RBFOX1: variants seen among roughly 807,000 people sequenced by gnomAD.
The protein encoded by RBFOX1 is RNA binding protein fox-1 homolog 1.
In RBFOX1, 8 loss-of-function variants were observed where a neutral mutation model predicts 57.7. The observed-to-expected ratio is 0.14, with a 90% CI of 0.08 to 0.25. The LOEUF (loss-of-function observed/expected upper bound fraction) is 0.25, where lower values mean the gene tolerates loss of function less well. RBFOX1 is among the 10% of genes least tolerant of loss of function. The probability of loss-of-function intolerance (pLI) is 1.00; values close to 1 mark genes in which losing one functional copy is unlikely to be tolerated. For synonymous variants in RBFOX1, 326 were observed against 222.4 expected (o/e 1.47, Z -4.15); for missense variants, 611 against 548.5 (o/e 1.11, Z -1.14).
Position 5,930,319 on chromosome 16 carries a change from A to T in RBFOX1, c.351+62984A>T, listed in dbSNP as rs548708377. 4.1e-5 allele frequency among the ~76,000 whole-genome samples: 5 copies of T among 123,078 alleles called. No individual in the cohort carries two copies. In the South Asian group the frequency reaches 1.5e-3, roughly 38 times the overall value. 80.7% of individuals were successfully genotyped at this position (123,078 alleles called of 152,430 possible). A position where few individuals can be genotyped will look rare whatever the true frequency, so the allele number is the denominator to read the frequency against. The stretch of plus-strand genomic sequence containing the variant: ...GGAGGGTGGGTGGTTGGTTGGATGG[A>T]TGGATGGATGGGAGGTGGGAAGGTT... On this transcript the variant is annotated intron_variant, in intron 4 of 19. Coordinates refer to the RBFOX1 transcript ENST00000641259.
intron 4 of RBFOX1, among the ~76,000 whole-genome samples, chr16:5,920,137 C>T (rs568668722): frequency 2.6e-5 from 4 of 152,154 alleles, no homozygotes; most frequent in African/African-American, 7.2e-5. Context: ...GATTTCACCG[C>T]GTTAGCCAGG....
chr16:6,208,516 C>T (rs1406568832), intron 1 of RBFOX1, among the ~76,000 whole-genome samples: 2 of 152,072 alleles, frequency 1.3e-5, no homozygotes, highest in Non-Finnish European at 2.9e-5. Context: ...TTGTCTGTCC[C>T]CATCTGGGAA....
At chr16:5,914,667 C>A (rs1038851506) in intron 4 of RBFOX1, among the ~76,000 whole-genome samples, 2 of 152,076 alleles carry the variant, frequency 1.3e-5, no homozygotes, top group Non-Finnish European at 2.9e-5. Context: ...GAGGCCCAGG[C>A]GGGCGGATCA....
chr16:6,023,650 T>C (rs1354741136), intron 1 of RBFOX1, among the ~76,000 whole-genome samples: 1 of 152,226 alleles, frequency 6.6e-6, no homozygotes, highest in Admixed American at 6.5e-5. Flanking sequence ...ACGTTTGCTC[T>C]GAAGGACAGA....
intron 4 of RBFOX1, among the ~76,000 whole-genome samples, chr16:7,097,480 G>C (rs72763539): frequency 0.17 from 26,547 of 152,182 alleles, 3,017 homozygotes; most frequent in South Asian, 0.29. Flanking sequence ...GACAGTAAGA[G>C]AGTGAGTGGA....
intron 2 of RBFOX1, among the ~76,000 whole-genome samples, chr16:6,537,040 A>T (rs1408493894): frequency 6.6e-6 from 1 of 152,202 alleles, no homozygotes; most frequent in Admixed American, 6.5e-5. Context: ...GGTAGGAAGA[A>T]TAGCTATAGC....
chr16:5,520,309 C>G (rs1174788257), intron 2 of RBFOX1, among the ~76,000 whole-genome samples: 1 of 152,182 alleles, frequency 6.6e-6, no homozygotes, highest in African/African-American at 2.4e-5. Flanking sequence ...GTAGGAATCT[C>G]AGCTTGAAAT....
At chr16:7,371,724 T>G (rs2097569892) in intron 4 of RBFOX1, among the ~76,000 whole-genome samples, 2 of 152,138 alleles carry the variant, frequency 1.3e-5, no homozygotes, top group African/African-American at 4.8e-5. Flanking sequence ...CACTCCAGCC[T>G]GGGCGACAAG....
intron 5 of RBFOX1, among the ~76,000 whole-genome samples, chr16:7,553,292 C>T (rs996975039): frequency 6.6e-6 from 1 of 151,944 alleles, no homozygotes; most frequent in African/African-American, 2.4e-5. Flanking sequence ...CTACAGGTGC[C>T]CACCACCACA....
At chr16:6,618,170 G>T (rs2098171063) in intron 2 of RBFOX1, among the ~76,000 whole-genome samples, 1 of 152,076 alleles carries the variant, frequency 6.6e-6, no homozygotes, top group African/African-American at 2.4e-5. Flanking sequence ...GTTAGTTTGG[G>T]TCTGACTCTC....
intron 5 of RBFOX1, among the ~76,000 whole-genome samples, chr16:7,554,522 A>T (rs2087671668): frequency 6.6e-6 from 1 of 152,188 alleles, no homozygotes; most frequent in Non-Finnish European, 1.5e-5. Context: ...GAGTAAACAG[A>T]CTTAGCTTCT....
intron 3 of RBFOX1, among the ~76,000 whole-genome samples, chr16:6,726,259 T>A (rs1461962428): frequency 2.6e-5 from 4 of 152,198 alleles, no homozygotes; most frequent in Non-Finnish European, 5.9e-5. Flanking sequence ...AATTTTTGAA[T>A]TCATTGTGAC....
At chr16:7,045,883 C>T (rs962875126) in intron 3 of RBFOX1, among the ~76,000 whole-genome samples, 5 of 152,216 alleles carry the variant, frequency 3.3e-5, no homozygotes, top group Admixed American at 3.3e-4. Context: ...TTCTGGAACT[C>T]CTGACCTCAG....
chr16:5,282,380 C>A (rs1306583367), intron 1 of RBFOX1, among the ~76,000 whole-genome samples: 2 of 152,092 alleles, frequency 1.3e-5, no homozygotes, highest in African/African-American at 4.8e-5. Context: ...CTAAAAGATA[C>A]CTGAATACGT....
chr16:5,709,843 ATTTTTTTTTTTTTTTTT>A (rs35733374), intron 3 of RBFOX1, among the ~76,000 whole-genome samples: 39 of 12,286 alleles, frequency 3.2e-3, no homozygotes, highest in South Asian at 0.013. Flanking sequence ...ATATATATAT[ATTTTTTTTTTTTTTTTT>A]TTTTTTTTTT....
At chr16:6,584,823 A>G (rs577956140) in intron 2 of RBFOX1, among the ~76,000 whole-genome samples, 2 of 152,184 alleles carry the variant, frequency 1.3e-5, no homozygotes, top group South Asian at 4.1e-4. Context: ...TGGTTTTGCC[A>G]GCAGCCTCCA....
intron 4 of RBFOX1, among the ~76,000 whole-genome samples, chr16:7,102,259 A>G (rs566716821): frequency 3.3e-5 from 5 of 152,124 alleles, no homozygotes; most frequent in Non-Finnish European, 5.9e-5. Flanking sequence ...TCTCAATTCT[A>G]CCTTTGTATA....
chr16:6,192,620 G>T (rs1225496656), intron 1 of RBFOX1, among the ~76,000 whole-genome samples: 2 of 152,074 alleles, frequency 1.3e-5, no homozygotes, highest in African/African-American at 4.8e-5. Context: ...TCAGAGATAC[G>T]GTGGTGGAGA....
chr16:5,597,204 GTCTC>G (rs1029586072), intron 2 of RBFOX1, among the ~76,000 whole-genome samples: 4 of 150,994 alleles, frequency 2.6e-5, no homozygotes, highest in Non-Finnish European at 4.4e-5. Flanking sequence ...CTATATCTTT[GTCTC>G]TCTCTCTTTT....
Sources: allele counts gnomAD v4.1 joint callset (sites outside exome capture counted in the v4.1 genomes callset), GRCh38; gene constraint gnomAD v4.1.1; transcripts MANE v1.5; gene names NCBI Gene and HGNC (gene_info 2026-07-23, HGNC 2026-07-21).